Variants in TAS1R1 observed in about 807,000 individuals in gnomAD.
TAS1R1 encodes taste 1 receptor member 1, also known as taste receptor type 1 member 1.
TAS1R1 carries 31 observed loss-of-function variants against 45.8 expected under a neutral mutation model. The ratio of observed to expected loss-of-function variants is 0.68; its 90% CI spans 0.51 to 0.91. The LOEUF (loss-of-function observed/expected upper bound fraction) is 0.91, where lower values mean the gene tolerates loss of function less well. Ranked by LOEUF, TAS1R1 falls within the 40% of genes least tolerant of loss-of-function variation. TAS1R1 has a pLI of 0.00. For synonymous variants in TAS1R1, 437 were observed against 448.4 expected (o/e 0.97, Z 0.32); for missense variants, 1,051 against 1,063.9 (o/e 0.99, Z 0.17).
chr1:6,556,764 A>C (rs1319261142), intron 1 of TAS1R1, among the ~76,000 whole-genome samples: 1 of 151,756 alleles, frequency 6.6e-6, no homozygotes, highest in African/African-American at 2.4e-5. Context: ...TAATCCCAGC[A>C]CTTTGGGAGG....
rs1283413628 is a variant in TAS1R1 at position 6,574,749 on chromosome 1, T to C, written c.617T>C (p.Phe206Ser). 6.2e-7 allele frequency: 1 copy of C among 1,614,256 alleles called. No individual in the cohort carries two copies. Among genetic ancestry groups the C allele is most frequent in the Non-Finnish European group, 8.5e-7 (1 of 1,180,040 alleles). ...ACCATGGTGCTGCTGCTGCAGAAGTTCGGGTGGACCTGGATCTCTCTGGTT... is the reference window on the plus strand; with the variant it reads ...ACCATGGTGCTGCTGCTGCAGAAGTCCGGGTGGACCTGGATCTCTCTGGTT... The part of the protein sequence containing the change: ...VETMVLLLQK[F>S]GWTWISLVGS... Residue 206 changes from phenylalanine to serine, a missense_variant, in exon 3 of 6, where the codon TTC becomes TCC. Transcript: ENST00000333172. The surrounding 1 kb of genome is among the most constrained non-coding windows in gnomAD (Gnocchi z 4.3).
At chr1:6,565,683 G>A (rs1047454831) in intron 1 of TAS1R1, among the ~76,000 whole-genome samples, 3 of 152,172 alleles carry the variant, frequency 2.0e-5, no homozygotes, top group Admixed American at 2.0e-4. Context: ...CGCCACCTCA[G>A]CTCACTGCAA....
Position 6,578,750 on chromosome 1 carries a change from G to A in TAS1R1, c.1692G>A (p.Glu564=). The change falls in exon 6 of 6, where the codon GAG becomes GAA. Residue 564 remains glutamate (E), a synonymous_variant. Transcript: ENST00000333172. ...PRTVVFLALR[E]HTSWVLLAAN... ...CTGTGGTGTTTTTGGCTTTGCGTGA[G>A]CACACCTCTTGGGTGCTGCTGGCAG... 2 of 1,614,056 alleles carry A rather than the reference G, an allele frequency of 1.2e-6. No homozygotes were observed. Among genetic ancestry groups the A allele is most frequent in the Non-Finnish European group, 1.7e-6 (2 of 1,179,966 alleles).
chr1:6,568,949 G>A (rs934067131), intron 1 of TAS1R1, among the ~76,000 whole-genome samples: 7 of 149,162 alleles, frequency 4.7e-5, no homozygotes, highest in Non-Finnish European at 1.0e-4. Flanking sequence ...CAATTTGGTA[G>A]AGGTTGGAGA....
intron 1 of TAS1R1, among the ~76,000 whole-genome samples, chr1:6,562,461 C>T: frequency 6.6e-6 from 1 of 152,214 alleles, no homozygotes; most frequent in East Asian, 1.9e-4. Flanking sequence ...AGCCACCGCG[C>T]CTGCCCAGGC....
At chr1:6,563,676 AG>A (rs1639826474) in intron 1 of TAS1R1, among the ~76,000 whole-genome samples, 1 of 152,084 alleles carries the variant, frequency 6.6e-6, no homozygotes, top group Non-Finnish European at 1.5e-5. Flanking sequence ...AGTTAAGCTA[AG>A]GGTCTTGTAG....
chr1:6,573,498 C>T (rs1640073328), intron 2 of TAS1R1, among the ~76,000 whole-genome samples: 1 of 152,118 alleles, frequency 6.6e-6, no homozygotes, highest in East Asian at 1.9e-4. Context: ...TAGCACTTCT[C>T]TGCGGACATC....
At position 6,576,452 on chromosome 1, in the gene TAS1R1, A is replaced by C; in HGVS notation, c.1298A>C (p.His433Pro). Residue 433 changes from histidine (H) to proline (P), a missense_variant, in exon 4 of 6, where the codon CAC (histidine) becomes CCC (proline). Physicochemically the swap from His to Pro is moderately conservative, Grantham distance 77 (BLOSUM62 -2). Transcript: ENST00000333172. The stretch of plus-strand genomic sequence containing the variant: ...ATCCACAAGGTGCATTTCCTTCTAC[A>C]CAAGGACACTGTGGCGTTTAATGAC... ...EQIHKVHFLL[H>P]KDTVAFNDNR... 3 of 1,614,206 alleles carry C rather than the reference A, an allele frequency of 1.9e-6. No homozygotes were observed. Among genetic ancestry groups the C allele is most frequent in the South Asian group, 1.1e-5 (1 of 91,080 alleles).
At chr1:6,578,552 A>G in intron 5 of TAS1R1, 101 bp from the exon 6 acceptor site, 1 of 1,503,142 alleles carries the variant, frequency 6.7e-7, no homozygotes, top group African/African-American at 1.4e-5. Flanking sequence ...AGTATAGTCT[A>G]GCTGCCCTGG....
chr1:6,555,482 G>A lies in TAS1R1; in HGVS notation c.109G>A (p.Asp37Asn), dbSNP rs750026462. 1 of 1,589,020 alleles carries A rather than the reference G, an allele frequency of 6.3e-7. No individual in the cohort carries two copies. The highest frequency in any genetic ancestry group is 8.6e-7 in the Non-Finnish European group (1 of 1,167,570). ...ESSPDFTLPG[D>N]YLLAGLFPLH... Reference sequence around the variant, plus strand: ...TTCTCCTGACTTCACCCTCCCCGGAGATTACCTCCTGGCAGGCCTGTTCCC... The same window carrying A: ...TTCTCCTGACTTCACCCTCCCCGGAAATTACCTCCTGGCAGGCCTGTTCCC... The change falls in exon 1 of 6, where the codon GAT becomes AAT. Residue 37 changes from aspartate to asparagine, a missense_variant. Physicochemically the swap from Asp to Asn is conservative, Grantham distance 23. Coordinates refer to ENST00000333172, the MANE Select transcript of TAS1R1 (RefSeq NM_138697.4).
At chr1:6,561,852 C>A (rs1302650141) in intron 1 of TAS1R1, among the ~76,000 whole-genome samples, 1 of 152,106 alleles carries the variant, frequency 6.6e-6, no homozygotes, top group Non-Finnish European at 1.5e-5. Flanking sequence ...TCAGGCCCAA[C>A]ACCAGGCCGT....
At chr1:6,559,319 C>T (rs1378006082) in intron 1 of TAS1R1, among the ~76,000 whole-genome samples, 3 of 152,034 alleles carry the variant, frequency 2.0e-5, no homozygotes, top group Non-Finnish European at 2.9e-5. Context: ...CATGAGCCGC[C>T]GTGCCTAGCC....
At chr1:6,567,367 T>G (rs1460841480) in intron 1 of TAS1R1, among the ~76,000 whole-genome samples, 1 of 151,996 alleles carries the variant, frequency 6.6e-6, no homozygotes, top group Non-Finnish European at 1.5e-5. Context: ...GAGACCATCC[T>G]GGCTAACACG....
intron 1 of TAS1R1, among the ~76,000 whole-genome samples, chr1:6,562,400 C>G (rs901061780): frequency 6.6e-5 from 10 of 152,184 alleles, no homozygotes; most frequent in Non-Finnish European, 1.5e-4. Context: ...AATCTCCCAA[C>G]CTAGTGATCC....
intron 1 of TAS1R1, among the ~76,000 whole-genome samples, chr1:6,559,172 C>A (rs1488487457): frequency 6.6e-6 from 1 of 151,946 alleles, no homozygotes; most frequent in Non-Finnish European, 1.5e-5. Context: ...GGATTACAGG[C>A]GTGAGCCGCC....
chr1:6,570,059 T>C (rs1004286906), intron 1 of TAS1R1, among the ~76,000 whole-genome samples: 32 of 148,806 alleles, frequency 2.2e-4, no homozygotes, highest in African/African-American at 2.7e-4. Context: ...GAGTGAGTCC[T>C]CTGGGGATGC....
At chr1:6,569,902 T>C (rs1265508294) in intron 1 of TAS1R1, among the ~76,000 whole-genome samples, 4 of 150,970 alleles carry the variant, frequency 2.6e-5, no homozygotes, top group Middle Eastern at 6.8e-3. Context: ...AATGGGAGAG[T>C]CTGAGAAATC....
At chr1:6,567,877 T>G (rs1023027321) in intron 1 of TAS1R1, among the ~76,000 whole-genome samples, 3 of 152,134 alleles carry the variant, frequency 2.0e-5, no homozygotes, top group Non-Finnish European at 4.4e-5. Flanking sequence ...CCCAGTAGCC[T>G]TCTTTGCCGC....
At chr1:6,568,738 C>T (rs1277932861) in intron 1 of TAS1R1, among the ~76,000 whole-genome samples, 2 of 152,094 alleles carry the variant, frequency 1.3e-5, no homozygotes, top group Admixed American at 6.6e-5. Context: ...GCAGCTCCTA[C>T]GGGCTTAGTA....
Sources: gnomAD v4.1 joint callset for allele counts (sites outside exome capture counted in the v4.1 genomes callset) on GRCh38, gnomAD v4.1.1 for gene constraint, Gnocchi (gnomAD v3.1) non-coding constraint, MANE v1.5 for transcripts, NCBI Gene and HGNC (gene_info 2026-07-23, HGNC 2026-07-21) for gene names.